ZBTB20: variants seen among roughly 807,000 people sequenced by gnomAD.
The protein encoded by ZBTB20 is zinc finger and BTB domain-containing protein 20.
ZBTB20 carries 9 observed loss-of-function variants against 56.9 expected under a neutral mutation model. The ratio of observed to expected loss-of-function variants is 0.16; its 90% CI spans 0.10 to 0.28. ZBTB20 has a LOEUF of 0.28. Among genes scored for constraint, ZBTB20 ranks in the 10% least tolerant of loss-of-function variants. The probability of loss-of-function intolerance (pLI) is 1.00; values close to 1 mark genes in which losing one functional copy is unlikely to be tolerated. For missense variants in ZBTB20, 655 were observed against 1,003.0 expected (o/e 0.65, Z 4.69); for synonymous variants, 417 against 420.7 (o/e 0.99, Z 0.11).
At chr3:114,458,321 T>C (rs764720151) in intron 7 of ZBTB20, among the ~76,000 whole-genome samples, 19 of 152,180 alleles carry the variant, frequency 1.2e-4, no homozygotes, top group Non-Finnish European at 2.2e-4. Context: ...AAACATATAG[T>C]TATATTTAAG....
rs199630636 is a variant in ZBTB20, at chr3:114,351,224, G to C, written c.854C>G (p.Pro285Arg). 6.2e-6 allele frequency: 10 copies of C among 1,601,822 alleles called. No homozygotes were observed. The highest frequency in any genetic ancestry group is 2.7e-5 in the African/African-American group (2 of 74,866). ...GLPRDHHMED[P>R]SWITRIHERS... ...CTCATGGATGCGTGTGATCCAGCTG[G>C]GGTCTTCCATGTGGTGGTCGCGGGG... Residue 285 changes from proline (P) to arginine (R), a missense_variant, in exon 11 of 12, where the codon CCC becomes CGC. Physicochemically the swap from Pro to Arg is moderately radical, Grantham distance 103. Around this residue, in one of 10 missense-constraint regions of ZBTB20, gnomAD observed 167 missense variants for 281.9 expected, o/e 0.59. Transcript: ENST00000675478.
chr3:114,593,314 AAAG>A (rs1447351771), intron 6 of ZBTB20, among the ~76,000 whole-genome samples: 2 of 152,126 alleles, frequency 1.3e-5, no homozygotes, highest in South Asian at 2.1e-4. Context: ...CATAAACTAA[AAAG>A]AAGAATGACA....
intron 2 of ZBTB20, among the ~76,000 whole-genome samples, chr3:114,987,860 T>G (rs2078613229): frequency 6.6e-6 from 1 of 152,080 alleles, no homozygotes; most frequent in Non-Finnish European, 1.5e-5. Flanking sequence ...AGGTACAACA[T>G]GTTGAAAGGG....
chr3:114,966,902 A>C (rs767472697), intron 3 of ZBTB20, among the ~76,000 whole-genome samples: 2 of 152,146 alleles, frequency 1.3e-5, no homozygotes, highest in Admixed American at 6.5e-5. Flanking sequence ...TTTTCATGGG[A>C]AACATTTTAG....
At position 114,950,139 on chromosome 3, in the gene ZBTB20, T is replaced by C. The variant is rs144987287; in HGVS notation, c.-456+24227A>G. On this transcript the variant is annotated intron_variant, in intron 3 of 11. Coordinates refer to ENST00000675478, the MANE Select transcript of ZBTB20 (RefSeq NM_001348800.3). ...GAACAATAGGATCTCTCTTATACAGTAGTCCCCCTTTATCCATGGGGAATA... is the reference window on the plus strand; with the variant it reads ...GAACAATAGGATCTCTCTTATACAGCAGTCCCCCTTTATCCATGGGGAATA... Among the ~76,000 whole-genome samples, 100 of 152,246 alleles carry C rather than the reference T, an allele frequency of 6.6e-4. 1 individual carries two copies. The highest frequency in any genetic ancestry group is 1.6e-3 in the African/African-American group (65 of 41,578).
rs141912938 is a variant in ZBTB20 at position 114,430,144 on chromosome 3, T to C, written c.-254-41039A>G. ...TCTGGTTATGGAGAAAAATCACTAG[T>C]AGTAAAGAAGTGATCATATTACCCA... On this transcript the variant is annotated intron_variant, in intron 7 of 11. Transcript: ENST00000675478. 4.3e-3 allele frequency among the ~76,000 whole-genome samples: 650 copies of C among 152,294 alleles called. 21 individuals are homozygous for C. Among genetic ancestry groups the C allele is most frequent in the Admixed American group, 0.027 (407 of 15,304 alleles).
intron 10 of ZBTB20, among the ~76,000 whole-genome samples, chr3:114,375,621 G>A (rs533933249): frequency 1.0e-3 from 158 of 152,306 alleles, no homozygotes; most frequent in Non-Finnish European, 1.3e-3. Context: ...TAATGGCCCC[G>A]AACCAGATGC....
chr3:114,379,977 C>T (rs774518389), intron 10 of ZBTB20, among the ~76,000 whole-genome samples: 2 of 152,128 alleles, frequency 1.3e-5, no homozygotes, highest in African/African-American at 2.4e-5. Context: ...ATGAAAAGAA[C>T]GTGTTTTATG....
At chr3:114,579,785 T>C (rs1043857800) in intron 6 of ZBTB20, among the ~76,000 whole-genome samples, 7 of 151,564 alleles carry the variant, frequency 4.6e-5, no homozygotes, top group Admixed American at 2.0e-4. Context: ...AATAACTTTG[T>C]ACAAATAAAT....
At chr3:114,969,102 T>G (rs1576452276) in intron 3 of ZBTB20, among the ~76,000 whole-genome samples, 1 of 152,350 alleles carries the variant, frequency 6.6e-6, no homozygotes, top group African/African-American at 2.4e-5. Context: ...TATGTGCTTA[T>G]TATATCTCCC....
chr3:114,380,557 G>A (rs138699550), intron 9 of ZBTB20, among the ~76,000 whole-genome samples, 153 bp from the exon 10 acceptor site: 1 of 151,612 alleles, frequency 6.6e-6, no homozygotes, highest in East Asian at 1.9e-4. Flanking sequence ...GCTGATTCTT[G>A]TTTTTTTTCC....
At chr3:114,569,396 G>T (rs1318045191) in intron 6 of ZBTB20, among the ~76,000 whole-genome samples, 1 of 152,190 alleles carries the variant, frequency 6.6e-6, no homozygotes, top group Non-Finnish European at 1.5e-5. Context: ...CAAGTTTTAG[G>T]ACCAACAAAC....
intron 7 of ZBTB20, among the ~76,000 whole-genome samples, chr3:114,448,648 C>T (rs530537614): frequency 1.3e-5 from 2 of 151,942 alleles, no homozygotes; most frequent in Admixed American, 6.6e-5. Flanking sequence ...GTAACAGATT[C>T]GGAACAAAGC....
chr3:114,884,215 G>A (rs565547446), intron 4 of ZBTB20, among the ~76,000 whole-genome samples: 4 of 152,070 alleles, frequency 2.6e-5, no homozygotes, highest in East Asian at 1.9e-4. Context: ...GTGAGCCACC[G>A]CGCCCGGCCG....
chr3:115,077,828 T>C (rs963103416), intron 1 of ZBTB20, among the ~76,000 whole-genome samples: 2 of 152,180 alleles, frequency 1.3e-5, no homozygotes, highest in African/African-American at 4.8e-5. Flanking sequence ...GTCTGAAGTT[T>C]CCTCAAAAAA....
intron 5 of ZBTB20, among the ~76,000 whole-genome samples, chr3:114,777,731 C>T (rs1464439318): frequency 6.6e-6 from 1 of 152,090 alleles, no homozygotes; most frequent in Non-Finnish European, 1.5e-5. Context: ...TTGACTCAAC[C>T]ATCCCATTAC....
At chr3:114,744,499 T>C (rs2066878462) in intron 5 of ZBTB20, among the ~76,000 whole-genome samples, 1 of 152,186 alleles carries the variant, frequency 6.6e-6, no homozygotes, top group South Asian at 2.1e-4. Context: ...TTTACTGTAA[T>C]TTATCTGATA....
chr3:114,411,986 G>C (rs1576641926), intron 7 of ZBTB20, among the ~76,000 whole-genome samples: 1 of 152,258 alleles, frequency 6.6e-6, no homozygotes, highest in East Asian at 1.9e-4. Flanking sequence ...AAAAGGCGAA[G>C]TCTGCAGGAT....
chr3:114,491,324 C>T (rs1347592992), intron 7 of ZBTB20, among the ~76,000 whole-genome samples: 1 of 152,222 alleles, frequency 6.6e-6, no homozygotes, highest in Non-Finnish European at 1.5e-5. Flanking sequence ...GACTCACCTG[C>T]ACCTTCCACA....
Sources: allele counts gnomAD v4.1 joint callset (sites outside exome capture counted in the v4.1 genomes callset), GRCh38; gene constraint gnomAD v4.1.1; regional missense constraint gnomAD v4.1.1; transcripts MANE v1.5; gene names NCBI Gene and HGNC (gene_info 2026-07-23, HGNC 2026-07-21).